Variants in ADCY1 observed in about 807,000 individuals in gnomAD.
ADCY1 encodes adenylate cyclase 1, also known as adenylate cyclase type 1.
ADCY1 carries 28 observed loss-of-function variants against 105.4 expected under a neutral mutation model. That is an observed-to-expected ratio of 0.27 (90% CI 0.20 to 0.36). ADCY1 has a LOEUF of 0.36. Ranked by LOEUF, ADCY1 falls within the 10% of genes least tolerant of loss-of-function variation. The pLI, the probability that ADCY1 is intolerant of heterozygous loss-of-function variation, is 1.00. For synonymous variants in ADCY1, 655 were observed against 623.8 expected (o/e 1.05, Z -0.75); for missense variants, 977 against 1,434.2 (o/e 0.68, Z 5.15).
intron 4 of ADCY1, among the ~76,000 whole-genome samples, chr7:45,639,210 T>A (rs2116016454): frequency 6.6e-6 from 1 of 152,378 alleles, no homozygotes; most frequent in African/African-American, 2.4e-5. Context: ...TAGCCATGGT[T>A]GATAGTCACA....
intron 14 of ADCY1, among the ~76,000 whole-genome samples, chr7:45,687,941 C>T (rs1439614819): frequency 6.6e-6 from 1 of 152,186 alleles, no homozygotes; most frequent in African/African-American, 2.4e-5. Context: ...GCACAGACAC[C>T]AGACAGGCAC....
At chr7:45,664,850 T>C (rs1169947534) in intron 8 of ADCY1, among the ~76,000 whole-genome samples, 1 of 152,154 alleles carries the variant, frequency 6.6e-6, no homozygotes. Flanking sequence ...TCCATGGTGG[T>C]TTGCTGTACC....
rs147684203 is a variant in ADCY1, at chr7:45,594,336, A to G, written c.789+1428A>G. Among the ~76,000 whole-genome samples, 7 of 152,314 alleles carry G rather than the reference A, an allele frequency of 4.6e-5. No homozygotes were observed. The East Asian group carries it at 1.4e-3, about 29-fold the overall frequency. On this transcript the variant is annotated intron_variant, in intron 2 of 19. Coordinates refer to ENST00000297323, the MANE Select transcript of ADCY1 (RefSeq NM_021116.4). Reference sequence around the variant, plus strand: ...CTCTTAGACCAGAGTCAGTCACACAAGGAGAGATATCTCCTTTGTGCTTTC... The same window carrying G: ...CTCTTAGACCAGAGTCAGTCACACAGGGAGAGATATCTCCTTTGTGCTTTC...
chr7:45,715,689 G>A lies in ADCY1; in HGVS notation c.*1694G>A, dbSNP rs2116294806. The stretch of plus-strand genomic sequence containing the variant: ...CAGCAGGGGCCTGGGCCATAGCTGG[G>A]GGAGGCCAGACCCTGAGGGCTTTGC... On this transcript the variant is annotated 3_prime_UTR_variant, in exon 20 of 20. Transcript: ENST00000297323. The A allele has an allele frequency of 6.5e-6, 1 of 152,720 alleles. No individual in the cohort carries two copies. The highest frequency in any genetic ancestry group is 1.9e-4 in the East Asian group (1 of 5,176). 9.5% of individuals were successfully genotyped at this position (152,720 alleles called of 1,614,324 possible).
chr7:45,674,647 C>T (rs1231231766), intron 8 of ADCY1, among the ~76,000 whole-genome samples: 2 of 152,240 alleles, frequency 1.3e-5, no homozygotes, highest in Non-Finnish European at 2.9e-5. Context: ...GCTGGGATTA[C>T]AGGCGTGAGC....
At chr7:45,610,873 GAGGTGGGA>G (rs1793551512) in intron 3 of ADCY1, among the ~76,000 whole-genome samples, 1 of 140,752 alleles carries the variant, frequency 7.1e-6, no homozygotes, top group Non-Finnish European at 1.6e-5. Context: ...GATGATGGTG[GAGGTGGGA>G]AGGTGATGGT....
chr7:45,696,725 C>G (rs1167391830), intron 14 of ADCY1, among the ~76,000 whole-genome samples: 1 of 152,182 alleles, frequency 6.6e-6, no homozygotes, highest in Admixed American at 6.5e-5. Context: ...GCCTCCCCAG[C>G]TCTGAGGCCT....
intron 14 of ADCY1, among the ~76,000 whole-genome samples, chr7:45,700,493 T>C (rs893452021): frequency 1.3e-5 from 2 of 152,178 alleles, no homozygotes; most frequent in African/African-American, 4.8e-5. Flanking sequence ...CTCTGCACTT[T>C]CCCAAAAGGA....
chr7:45,629,228 C>CT (rs764903312), intron 4 of ADCY1, among the ~76,000 whole-genome samples: 39 of 152,188 alleles, frequency 2.6e-4, no homozygotes, highest in Non-Finnish European at 5.3e-4. Context: ...CATTGTCTGG[C>CT]TTTTTTTCAC....
intron 7 of ADCY1, among the ~76,000 whole-genome samples, chr7:45,661,481 G>A (rs1438106606): frequency 6.6e-6 from 1 of 152,090 alleles, no homozygotes; most frequent in African/African-American, 2.4e-5. Context: ...CAGGAACGAT[G>A]ACAGTGGAGC....
intron 8 of ADCY1, among the ~76,000 whole-genome samples, chr7:45,665,831 A>T (rs1584317702): frequency 6.6e-6 from 1 of 152,046 alleles, no homozygotes; most frequent in African/African-American, 2.4e-5. Context: ...GTTGCTGGGG[A>T]CTTTATTTCT....
At chr7:45,680,855 C>T (rs1562721080) in intron 11 of ADCY1, among the ~76,000 whole-genome samples, 1 of 152,214 alleles carries the variant, frequency 6.6e-6, no homozygotes, top group East Asian at 1.9e-4. Flanking sequence ...TAGCATTAGA[C>T]ATGCAGAAAG....
In ADCY1 at chr7:45,671,867, C is replaced by T. The variant is rs141583828; in HGVS notation, c.1606-6002C>T. Among the ~76,000 whole-genome samples the T allele has an allele frequency of 3.4e-4, 51 of 152,136 alleles. No homozygotes were observed. The East Asian group carries it at 9.1e-3, about 27-fold the overall frequency. The stretch of plus-strand genomic sequence containing the variant: ...TAGAGGTGTGGTTTGCAATTATTTC[C>T]TCCCAGTCCATAGCTTGTCTTTTCA... On this transcript the variant is annotated intron_variant, in intron 8 of 19. Coordinates refer to ENST00000297323, the MANE Select transcript of ADCY1 (RefSeq NM_021116.4).
At position 45,646,056 on chromosome 7, in the gene ADCY1, C is replaced by T. The variant is rs565145619; in HGVS notation, c.1021-2614C>T. 5.7e-4 allele frequency among the ~76,000 whole-genome samples: 87 copies of T among 152,172 alleles called. 1 individual carries two copies. Among genetic ancestry groups the T allele is most frequent in the Non-Finnish European group, 3.4e-4 (23 of 68,006 alleles). On this transcript the variant is annotated intron_variant, in intron 4 of 19. Transcript: ENST00000297323. ...TATGAGGTGTGGCCGCTTCCCCTTCCTGGCAAGCCCTGTGCATTCAGGCCT... is the reference window on the plus strand; with the variant it reads ...TATGAGGTGTGGCCGCTTCCCCTTCTTGGCAAGCCCTGTGCATTCAGGCCT...
At chr7:45,675,081 T>C (rs560384734) in intron 8 of ADCY1, among the ~76,000 whole-genome samples, 36 of 152,318 alleles carry the variant, frequency 2.4e-4, no homozygotes, top group African/African-American at 7.9e-4. Context: ...ATTTAACTTA[T>C]TTTTTGTTTT....
At chr7:45,704,475 C>T (rs769301080) in intron 16 of ADCY1, 43 bp from the exon 17 acceptor site, 1 of 1,584,844 alleles carries the variant, frequency 6.3e-7, no homozygotes, top group African/African-American at 1.3e-5. Context: ...CGACTTTTCT[C>T]AAATGTTATG....
rs1175722160 is a variant in ADCY1 at position 45,707,525 on chromosome 7, A to G, written c.2818-825A>G. ...TTAGTGGTTGCTGGGGGTTGGGGGA[A>G]AGGTGGAATGAACAGACAGCAGGGA... On this transcript the variant is annotated intron_variant, in intron 17 of 19. Transcript: ENST00000297323. 2.0e-5 allele frequency among the ~76,000 whole-genome samples: 3 copies of G among 152,192 alleles called. No homozygotes were observed. In the East Asian group the frequency reaches 5.8e-4, roughly 29 times the overall value.
chr7:45,610,486 C>T lies in ADCY1; in HGVS notation c.897C>T (p.His299=), dbSNP rs78087585. 3.9e-3 allele frequency: 6,314 copies of T among 1,613,608 alleles called. 31 individuals carry two copies. The highest frequency in any genetic ancestry group is 0.011 in the Middle Eastern group (65 of 6,058). The change falls in exon 3 of 20, where the codon CAC becomes CAT. Residue 299 remains histidine, a synonymous_variant. Transcript: ENST00000297323. The stretch of plus-strand genomic sequence containing the variant: ...TCCACAAGATTTACATCCAGAGGCA[C>T]GACAATGTGAGGTAGGGCTGGTGCT... ...RIFHKIYIQR[H]DNVSILFADI...
Position 45,638,831 on chromosome 7 carries a change from C to T in ADCY1, c.1021-9839C>T, listed in dbSNP as rs182451225. Among the ~76,000 whole-genome samples the T allele has an allele frequency of 2.0e-5, 3 of 152,226 alleles. No homozygotes were observed. The East Asian group carries it at 5.8e-4, about 29-fold the overall frequency. On this transcript the variant is annotated intron_variant, in intron 4 of 19. Transcript: ENST00000297323. ...TTCCTTCTAATGGTTTATAGTGAGTCGTGGCTGCCAGATGTCCATGCATAC... is the reference window on the plus strand; with the variant it reads ...TTCCTTCTAATGGTTTATAGTGAGTTGTGGCTGCCAGATGTCCATGCATAC...
Sources: allele counts gnomAD v4.1 joint callset (sites outside exome capture counted in the v4.1 genomes callset), GRCh38; gene constraint gnomAD v4.1.1; transcripts MANE v1.5; gene names NCBI Gene and HGNC (gene_info 2026-07-23, HGNC 2026-07-21).